Variants in KCNH8 observed in about 807,000 individuals in gnomAD.
The protein encoded by KCNH8 is potassium voltage-gated channel subfamily H member 8.
Under a neutral mutation model 103.6 loss-of-function variants are expected in KCNH8, and 70 were observed. The ratio of observed to expected loss-of-function variants is 0.68; its 90% CI spans 0.56 to 0.82. The LOEUF is 0.82. KCNH8 is among the 40% of genes least tolerant of loss of function. The pLI, the probability that KCNH8 is intolerant of heterozygous loss-of-function variation, is 0.00. For synonymous variants in KCNH8, 498 were observed against 489.4 expected (o/e 1.02, Z -0.23); for missense variants, 1,217 against 1,329.9 (o/e 0.92, Z 1.32).
chr3:19,373,195 C>A (rs1407951001), intron 5 of KCNH8, among the ~76,000 whole-genome samples: 1 of 152,024 alleles, frequency 6.6e-6, no homozygotes. Flanking sequence ...GGTACCAGCT[C>A]CTCCTTGTAC....
chr3:19,174,844 G>T (rs1282371483), intron 1 of KCNH8, among the ~76,000 whole-genome samples: 13 of 152,224 alleles, frequency 8.5e-5, no homozygotes, highest in African/African-American at 3.1e-4. Flanking sequence ...TGCCTGTTTT[G>T]TTTCAGAAAA....
intron 7 of KCNH8, among the ~76,000 whole-genome samples, chr3:19,433,974 G>T (rs964270505): frequency 6.6e-6 from 1 of 152,120 alleles, no homozygotes; most frequent in African/African-American, 2.4e-5. Context: ...AAAATTTATA[G>T]TTTAGTTAAT....
At chr3:19,494,583 T>G (rs770799547) in intron 11 of KCNH8, among the ~76,000 whole-genome samples, 10 of 152,230 alleles carry the variant, frequency 6.6e-5, no homozygotes, top group African/African-American at 1.2e-4. Flanking sequence ...GAAAATGAAC[T>G]AATACATTCA....
chr3:19,446,350 T>C (rs2067362478), intron 8 of KCNH8, among the ~76,000 whole-genome samples: 2 of 152,004 alleles, frequency 1.3e-5, no homozygotes, highest in African/African-American at 4.8e-5. Flanking sequence ...GAAGCATTAT[T>C]ATCACAAAGT....
rs143590048 is a variant in KCNH8 at position 19,258,376 on chromosome 3, A to T, written c.310+4489A>T. On this transcript the variant is annotated intron_variant, in intron 2 of 15. Coordinates refer to ENST00000328405, the MANE Select transcript of KCNH8 (RefSeq NM_144633.3). ...CTCCCATCTCCCAGGGAAGTTTGCA[A>T]ATCTCTGGAGGTTTTTGACTCAGTA... Among the ~76,000 whole-genome samples the T allele has an allele frequency of 3.1e-3, 473 of 152,080 alleles. 2 individuals carry two copies. The highest frequency in any genetic ancestry group is 5.0e-3 in the Non-Finnish European group (341 of 67,940).
chr3:19,415,358 G>C (rs2066846692), intron 7 of KCNH8, among the ~76,000 whole-genome samples: 1 of 149,600 alleles, frequency 6.7e-6, no homozygotes, highest in Non-Finnish European at 1.5e-5. Flanking sequence ...ATACATGAGA[G>C]CTGGGATTTC....
At chr3:19,352,490 A>T (rs7615243) in intron 5 of KCNH8, among the ~76,000 whole-genome samples, 18,856 of 152,090 alleles carry the variant, frequency 0.12, 1,226 homozygotes, top group Middle Eastern at 0.17. Flanking sequence ...GAAGTAAAGC[A>T]CTCCTCAGCA....
intron 4 of KCNH8, among the ~76,000 whole-genome samples, chr3:19,346,387 T>C (rs2065729747): frequency 6.6e-6 from 1 of 151,970 alleles, no homozygotes; most frequent in South Asian, 2.1e-4. Context: ...GTATGAAACA[T>C]AGATGCAGTG....
chr3:19,471,205 A>G (rs576332868), intron 11 of KCNH8, among the ~76,000 whole-genome samples: 240 of 152,336 alleles, frequency 1.6e-3, no homozygotes, highest in Non-Finnish European at 2.8e-3. Flanking sequence ...TGAAGAGAAC[A>G]GCAGATGTTC....
At chr3:19,260,960 T>A (rs1328369710) in intron 2 of KCNH8, among the ~76,000 whole-genome samples, 5 of 132,772 alleles carry the variant, frequency 3.8e-5, no homozygotes, top group Non-Finnish European at 6.1e-5. Context: ...TAAGGCTGAA[T>A]AATATTCATA....
intron 5 of KCNH8, among the ~76,000 whole-genome samples, chr3:19,378,471 T>C (rs2066243388): frequency 6.6e-6 from 1 of 152,228 alleles, no homozygotes; most frequent in South Asian, 2.1e-4. Flanking sequence ...ATTTTTCCCA[T>C]CATTTTGACT....
At chr3:19,494,007 C>T (rs545881663) in intron 11 of KCNH8, among the ~76,000 whole-genome samples, 1 of 152,262 alleles carries the variant, frequency 6.6e-6, no homozygotes, top group East Asian at 1.9e-4. Flanking sequence ...CCTACTCTCA[C>T]TCTTCACCCT....
chr3:19,354,393 A>C (rs2065848769), intron 5 of KCNH8, among the ~76,000 whole-genome samples: 2 of 152,156 alleles, frequency 1.3e-5, no homozygotes, highest in Admixed American at 1.3e-4. Context: ...TAAAGTTCAT[A>C]TGGAACCAAA....
At chr3:19,445,536 TATATC>T (rs1180696219) in intron 8 of KCNH8, among the ~76,000 whole-genome samples, 2 of 151,976 alleles carry the variant, frequency 1.3e-5, no homozygotes, top group African/African-American at 2.4e-5. Context: ...CTAAAAATAA[TATATC>T]AAGCATGAGT....
At chr3:19,377,819 G>C (rs1424257517) in intron 5 of KCNH8, among the ~76,000 whole-genome samples, 4 of 152,184 alleles carry the variant, frequency 2.6e-5, no homozygotes, top group African/African-American at 9.7e-5. Flanking sequence ...ACCATCAAAA[G>C]ACTATTCTCA....
intron 1 of KCNH8, among the ~76,000 whole-genome samples, chr3:19,207,126 T>C (rs1403908716): frequency 1.3e-5 from 2 of 151,712 alleles, no homozygotes; most frequent in Non-Finnish European, 2.9e-5. Flanking sequence ...GCAAAACAAG[T>C]GGGCCGGCAA....
At chr3:19,527,999 T>C (rs2069094851) in intron 15 of KCNH8, among the ~76,000 whole-genome samples, 2 of 151,932 alleles carry the variant, frequency 1.3e-5, no homozygotes, top group African/African-American at 4.8e-5. Flanking sequence ...TGTGAACAAT[T>C]GGTTATGCAG....
Position 19,371,453 on chromosome 3 carries a change from G to A in KCNH8, c.812-19028G>A, listed in dbSNP as rs879795591. ...ATGTCCTTCGCCCACTTTTTGATGG[G>A]GTTGTTTGTTTTTTTCTTGTAAATT... is the stretch of plus-strand genomic sequence containing the variant. On this transcript the variant is annotated intron_variant, in intron 5 of 15. Transcript: ENST00000328405. Among the ~76,000 whole-genome samples the A allele has an allele frequency of 2.7e-3, 385 of 143,566 alleles. 2 individuals are homozygous for A. Among genetic ancestry groups the A allele is most frequent in the African/African-American group, 9.1e-3 (355 of 39,026 alleles). The allele number at this position is 143,566 out of a possible 152,430, so 94.2% of individuals were successfully genotyped here. A position where few individuals can be genotyped will look rare whatever the true frequency, so the allele number is the denominator to read the frequency against.
chr3:19,364,556 A>G (rs2065986458), intron 5 of KCNH8, among the ~76,000 whole-genome samples: 2 of 152,162 alleles, frequency 1.3e-5, no homozygotes, highest in African/African-American at 2.4e-5. Flanking sequence ...AATAAATCTA[A>G]GCCTGCGTAT....
Sources: allele counts gnomAD v4.1 joint callset (sites outside exome capture counted in the v4.1 genomes callset), GRCh38; gene constraint gnomAD v4.1.1; transcripts MANE v1.5; gene names NCBI Gene and HGNC (gene_info 2026-07-23, HGNC 2026-07-21).